The following MYZAP variants were observed in gnomAD, a reference collection of about 807,000 sequenced individuals.
The protein encoded by MYZAP is GRINL1A complex locus upstream.
MYZAP carries 66 observed loss-of-function variants against 69.4 expected under a neutral mutation model. The ratio of observed to expected loss-of-function variants is 0.95; its 90% confidence interval spans 0.78 to 1.17. The LOEUF (loss-of-function observed/expected upper bound fraction) is 1.17, where lower values mean the gene tolerates loss of function less well. MYZAP is among the 50% of genes most tolerant of loss of function. The pLI is 0.00. For missense variants in MYZAP, 611 were observed against 556.2 expected (o/e 1.10, Z -0.99); for synonymous variants, 256 against 205.9 (o/e 1.24, Z -2.09).
In MYZAP at chr15:57,593,142, G is replaced by A. The variant is rs936059140; in HGVS notation, c.75+1033G>A. On this transcript the variant is annotated intron_variant, in intron 1 of 12. Coordinates refer to ENST00000267853, the MANE Select transcript of MYZAP (RefSeq NM_001018100.5). ...TGGGCCAACTGATGGATTCTGGGGTGTGTGTGTGCGTGCACTCACCAGACA... is the reference window on the plus strand; with the variant it reads ...TGGGCCAACTGATGGATTCTGGGGTATGTGTGTGCGTGCACTCACCAGACA... Among the ~76,000 whole-genome samples, 4 of 66,164 alleles carry A rather than the reference G, an allele frequency of 6.0e-5. No homozygotes were observed. The East Asian group carries it at 2.7e-3, about 45-fold the overall frequency. The allele number at this position is 66,164 out of a possible 152,430, so 43.4% of individuals were successfully genotyped here. A position where few individuals can be genotyped will look rare whatever the true frequency, so the allele number is the denominator to read the frequency against.
intron 1 of MYZAP, among the ~76,000 whole-genome samples, chr15:57,601,875 G>A (rs2034437737): frequency 6.6e-6 from 1 of 152,148 alleles, no homozygotes; most frequent in Admixed American, 6.5e-5. Flanking sequence ...AGAAATTCTG[G>A]TGTAAGCTCA....
At chr15:57,610,440 G>A (rs2035032071) in intron 2 of MYZAP, among the ~76,000 whole-genome samples, 1 of 152,178 alleles carries the variant, frequency 6.6e-6, no homozygotes, top group African/African-American at 2.4e-5. Context: ...AGAGCTTCAG[G>A]TGGGGGCCGG....
intron 2 of MYZAP, among the ~76,000 whole-genome samples, chr15:57,612,716 T>C (rs1345412069): frequency 6.6e-6 from 1 of 152,172 alleles, no homozygotes; most frequent in East Asian, 1.9e-4. Context: ...TAGTTTTCTG[T>C]AGCTGCTCTT....
intron 11 of MYZAP, among the ~76,000 whole-genome samples, chr15:57,673,369 T>G (rs965846712): frequency 5.3e-5 from 8 of 152,142 alleles, no homozygotes; most frequent in Non-Finnish European, 1.2e-4. Flanking sequence ...GCCTTTCTCT[T>G]TTTTTATAAA....
intron 1 of MYZAP, among the ~76,000 whole-genome samples, chr15:57,598,454 C>T (rs571263598): frequency 5.3e-5 from 8 of 152,270 alleles, no homozygotes; most frequent in Admixed American, 3.3e-4. Flanking sequence ...TGAGCGAGCG[C>T]CCATCATGTG....
At chr15:57,665,773 C>T (rs1182967343) in intron 11 of MYZAP, among the ~76,000 whole-genome samples, 4 of 152,156 alleles carry the variant, frequency 2.6e-5, no homozygotes, top group Non-Finnish European at 2.9e-5. Flanking sequence ...GAGGTCTTGA[C>T]ACCACAGAAA....
At chr15:57,655,524 C>T (rs538993988) in intron 10 of MYZAP, among the ~76,000 whole-genome samples, 61 of 152,194 alleles carry the variant, frequency 4.0e-4, no homozygotes, top group African/African-American at 1.4e-3. Context: ...CATGGGTTTC[C>T]AGCGTGTGGC....
intron 2 of MYZAP, among the ~76,000 whole-genome samples, chr15:57,612,330 G>A (rs559174575): frequency 2.0e-5 from 3 of 152,190 alleles, no homozygotes; most frequent in Non-Finnish European, 4.4e-5. Flanking sequence ...TGGGGCGGGG[G>A]ACTGGCTGTG....
chr15:57,630,559 A>AT (rs1375792705), intron 6 of MYZAP, among the ~76,000 whole-genome samples: 1 of 152,084 alleles, frequency 6.6e-6, no homozygotes, highest in Non-Finnish European at 1.5e-5. Context: ...CAAGAAGAAA[A>AT]TTGGTGGGTG....
chr15:57,647,076 C>T (rs1279150214), intron 10 of MYZAP: 2 of 985,160 alleles, frequency 2.0e-6, no homozygotes, highest in African/African-American at 3.5e-5. Flanking sequence ...GGCCCAGTGT[C>T]CCTCAGACGT....
At chr15:57,607,740 G>A (rs1475081626) in intron 2 of MYZAP, among the ~76,000 whole-genome samples, 1 of 152,202 alleles carries the variant, frequency 6.6e-6, no homozygotes, top group Non-Finnish European at 1.5e-5. Flanking sequence ...TGGGGTAGAG[G>A]GGAGGAGGGT....
chr15:57,647,958 A>T, intron 10 of MYZAP: 1 of 984,882 alleles, frequency 1.0e-6, no homozygotes, highest in Non-Finnish European at 1.2e-6. Flanking sequence ...TCCTCCCTTA[A>T]CTGGATCCTT....
At position 57,675,040 on chromosome 15, in the gene MYZAP, A is replaced by C. The variant is rs1477420424; in HGVS notation, c.1276A>C (p.Ile426Leu). The C allele has an allele frequency of 6.2e-7, 1 of 1,613,532 alleles. No homozygotes were observed. The highest frequency in any genetic ancestry group is 1.1e-5 in the South Asian group (1 of 91,050). ...QAKTEVETRE[I>L]GVGCDLLPSQ... ...CAAGACCGAAGTGGAAACCAGAGAG[A>C]TAGGAGTGGGCTGTGATCTTCTACC... The change falls in exon 12 of 13, where the codon ATA becomes CTA. Residue 426 changes from isoleucine to leucine, a missense_variant. Physicochemically the swap from Ile to Leu is conservative, Grantham distance 5. Transcript: ENST00000267853.
chr15:57,668,826 C>A (rs1249013337), intron 11 of MYZAP, among the ~76,000 whole-genome samples: 2 of 150,950 alleles, frequency 1.3e-5, no homozygotes, highest in Non-Finnish European at 2.9e-5. Context: ...AACATTTTCT[C>A]CCATCCTGTG....
At position 57,637,780 on chromosome 15, in the gene MYZAP, A is replaced by G. The variant is rs1242953782; in HGVS notation, c.1013+6A>G. On this transcript the variant is annotated splice_donor_region_variant and intron_variant, in intron 9 of 12. Coordinates refer to ENST00000267853, the MANE Select transcript of MYZAP (RefSeq NM_001018100.5). ...ACTGATTCTGACAAGGAAAGGTAAG[A>G]CGTAATGCCTTTCGTCTTGTAATGG... 1 of 1,606,352 alleles carries G rather than the reference A, an allele frequency of 6.2e-7. No individual in the cohort carries two copies. The highest frequency in any genetic ancestry group is 1.7e-5 in the Admixed American group (1 of 59,418).
intron 6 of MYZAP, among the ~76,000 whole-genome samples, chr15:57,630,692 C>T (rs1329057987): frequency 6.6e-6 from 1 of 152,166 alleles, no homozygotes; most frequent in Non-Finnish European, 1.5e-5. Flanking sequence ...AGACTTCCTA[C>T]CCGGTGACAG....
rs373998282 is a variant in MYZAP at position 57,633,600 on chromosome 15, A to G, written c.805-13A>G. The G allele has an allele frequency of 1.9e-6, 3 of 1,610,452 alleles. No individual in the cohort carries two copies. Among genetic ancestry groups the G allele is most frequent in the African/African-American group, 2.7e-5 (2 of 74,776 alleles). ...TCCATGCCTGTACTTAGGAGGGTAT[A>G]TTTCTTTTGCAGGAAGAAACCAATA... On this transcript the variant is annotated splice_polypyrimidine_tract_variant and intron_variant, in intron 7 of 12. Transcript: ENST00000267853.
chr15:57,666,522 G>C (rs2038577949), intron 11 of MYZAP, among the ~76,000 whole-genome samples: 1 of 152,166 alleles, frequency 6.6e-6, no homozygotes, highest in African/African-American at 2.4e-5. Flanking sequence ...TGACACAGCA[G>C]ACTCCTAAAA....
chr15:57,663,620 A>G (rs2038418829), intron 11 of MYZAP, among the ~76,000 whole-genome samples: 1 of 152,174 alleles, frequency 6.6e-6, no homozygotes, highest in South Asian at 2.1e-4. Context: ...CCCATCAGTC[A>G]TTAGCTGAGG....
Sources: gnomAD v4.1 joint callset for allele counts (sites outside exome capture counted in the v4.1 genomes callset) on GRCh38, gnomAD v4.1.1 for gene constraint, MANE v1.5 for transcripts, NCBI Gene and HGNC (gene_info 2026-07-23, HGNC 2026-07-21) for gene names.